RSPH14: variants seen among roughly 807,000 people sequenced by gnomAD.
RSPH14 encodes the protein radial spoke head 14 homolog, also known as rhabdoid tumor deletion region gene 1.
In RSPH14, 20 loss-of-function variants were observed where a neutral mutation model predicts 26.7. That is an observed-to-expected ratio of 0.75 (90% CI 0.53 to 1.09). The LOEUF is 1.09. Among genes scored for constraint, RSPH14 ranks in the 50% least tolerant of loss-of-function variants. The pLI is 0.00. For missense variants in RSPH14, 449 were observed against 457.2 expected (o/e 0.98, Z 0.16); for synonymous variants, 177 against 189.3 (o/e 0.93, Z 0.53).
chr22:23,140,112 G>T, intron 2 of RSPH14, 110 bp downstream of exon 2: 1 of 1,382,312 alleles, frequency 7.2e-7, no homozygotes, highest in Non-Finnish European at 9.9e-7. Context: ...TAGTGGAACT[G>T]GCCTGGAGTC....
the RSPH14 span, among the ~76,000 whole-genome samples, chr22:23,171,670 C>T: frequency 6.6e-6 from 1 of 152,060 alleles, no homozygotes; most frequent in South Asian, 2.1e-4. Context: ...TGGTGAAACC[C>T]CGTCTCTACT....
At chr22:23,087,804 G>A (rs1601775697) in intron 4 of RSPH14, among the ~76,000 whole-genome samples, 1 of 152,300 alleles carries the variant, frequency 6.6e-6, no homozygotes, top group African/African-American at 2.4e-5. Context: ...TATTGATCTG[G>A]GTGGGGCCAG....
chr22:23,088,987 CTA>C (rs751642851), intron 4 of RSPH14, among the ~76,000 whole-genome samples: 32 of 152,356 alleles, frequency 2.1e-4, no homozygotes, highest in Non-Finnish European at 3.5e-4. Context: ...CAAGCCTAAA[CTA>C]TCTCCCTGGG....
chr22:23,156,147 C>T, the RSPH14 span: 1 of 870,078 alleles, frequency 1.1e-6, no homozygotes, highest in Non-Finnish European at 1.8e-6. Context: ...TCCTCCAAGA[C>T]CCACTGAGAA....
the RSPH14 span, chr22:23,180,071 T>C: frequency 2.9e-6 from 1 of 341,956 alleles, no homozygotes; most frequent in Non-Finnish European, 5.7e-6. Context: ...GGAGGTTGCT[T>C]CTGTCGGAGG....
intron 4 of RSPH14, among the ~76,000 whole-genome samples, chr22:23,089,264 T>G (rs377491399): frequency 2.9e-4 from 44 of 152,330 alleles, no homozygotes; most frequent in African/African-American, 1.0e-3. Flanking sequence ...GTGGGCTGTC[T>G]TCTTCTGCCT....
chr22:23,079,606 C>A (rs1043294499), intron 4 of RSPH14, among the ~76,000 whole-genome samples: 3 of 152,216 alleles, frequency 2.0e-5, no homozygotes, highest in Non-Finnish European at 4.4e-5. Flanking sequence ...GTGAGACATA[C>A]TCTGCCTCAT....
intron 4 of RSPH14, chr22:23,133,055 AGCTGAACATAATCTTACCCAG>A: frequency 6.6e-6 from 1 of 152,306 alleles, no homozygotes; most frequent in South Asian, 2.1e-4. Flanking sequence ...ACCTTCTAAA[AGCTGAACATAATCTTACCCAG>A]GCCAGCCATT....
intron 4 of RSPH14, among the ~76,000 whole-genome samples, chr22:23,069,065 G>A (rs574752399): frequency 2.6e-5 from 4 of 152,324 alleles, no homozygotes; most frequent in South Asian, 2.1e-4. Flanking sequence ...CTGCAGGTAC[G>A]TAACGCAATG....
At chr22:23,074,649 G>C (rs1455246275) in intron 4 of RSPH14, among the ~76,000 whole-genome samples, 1 of 152,184 alleles carries the variant, frequency 6.6e-6, no homozygotes, top group Admixed American at 6.5e-5. Flanking sequence ...GGCTGAGCTG[G>C]GCTCCTGGGC....
intron 2 of RSPH14, among the ~76,000 whole-genome samples, 193 bp downstream of exon 2, chr22:23,140,029 C>G (rs2070561430): frequency 6.6e-6 from 1 of 152,222 alleles, no homozygotes; most frequent in South Asian, 2.1e-4. Context: ...CCACTGCACT[C>G]TAGTCTGGGA....
chr22:23,129,505 A>G (rs1251228678), intron 4 of RSPH14, among the ~76,000 whole-genome samples: 1 of 152,128 alleles, frequency 6.6e-6, no homozygotes, highest in African/African-American at 2.4e-5. Flanking sequence ...CGTACATTTT[A>G]GAAGAAAATA....
the RSPH14 span, among the ~76,000 whole-genome samples, chr22:23,175,513 G>C: frequency 6.6e-6 from 1 of 151,478 alleles, no homozygotes; most frequent in African/African-American, 2.4e-5. Flanking sequence ...GTAGAGACAG[G>C]GTTTCACCAT....
In RSPH14 at chr22:23,061,844, G is replaced by A. The variant is rs757668979; in HGVS notation, c.755C>T (p.Ala252Val). 3 of 1,614,044 alleles carry A rather than the reference G, an allele frequency of 1.9e-6. No homozygotes were observed. Among genetic ancestry groups the A allele is most frequent in the Admixed American group, 3.3e-5 (2 of 60,014 alleles). Residue 252 changes from alanine to valine, a missense_variant, in exon 6 of 7, where the codon GCC becomes GTC. Ala to Val is a moderately conservative substitution (Grantham distance 64). Transcript: ENST00000216036. ...DPVEHVKSNA[A>V]GALMFATVIT... The stretch of plus-strand genomic sequence containing the variant: ...CACTGTGGCGAACATCAGGGCACCG[G>A]CAGCGTTAGACTTCACATGCTCCAC...
At chr22:23,180,591 C>CGGCGGCGGCGGCGGCGGCGGCG in the RSPH14 span, 2 of 27,552 alleles carry the variant, frequency 7.3e-5, no homozygotes, top group African/African-American at 3.3e-3. Flanking sequence ...GCGGCGGCGG[C>CGGCGGCGGCGGCGGCGGCGGCG]ACGGCGGCGG....
chr22:23,150,108 G>A, the RSPH14 span: 12 of 1,612,488 alleles, frequency 7.4e-6, no homozygotes, highest in Non-Finnish European at 9.3e-6. Flanking sequence ...GCACTTCCAC[G>A]GGCAGGTCAG....
At chr22:23,152,485 G>A in the RSPH14 span, 17 of 1,614,176 alleles carry the variant, frequency 1.1e-5, no homozygotes, top group Admixed American at 1.7e-5. Flanking sequence ...AGGTGGTGGT[G>A]GTTGGCGATC....
chr22:23,123,441 C>T (rs1257455991), intron 4 of RSPH14: 8 of 1,578,446 alleles, frequency 5.1e-6, no homozygotes, highest in Non-Finnish European at 6.9e-6. Context: ...AGGAGCTGGG[C>T]CCGGGGCCCG....
At chr22:23,138,506 G>A (rs544902141) in intron 3 of RSPH14, among the ~76,000 whole-genome samples, 1 of 152,272 alleles carries the variant, frequency 6.6e-6, no homozygotes, top group East Asian at 1.9e-4. Flanking sequence ...GGGCTGCAGT[G>A]AGCTGAGATC....
Sources: gnomAD v4.1 joint callset for allele counts (sites outside exome capture counted in the v4.1 genomes callset) on GRCh38, gnomAD v4.1.1 for gene constraint, MANE v1.5 for transcripts, NCBI Gene and HGNC (gene_info 2026-07-23, HGNC 2026-07-21) for gene names.